ESPNL: variants seen among roughly 807,000 people sequenced by gnomAD.
ESPNL encodes espin like, also known as espin-like protein.
In ESPNL, 49 loss-of-function variants were observed where a neutral mutation model predicts 46.8. The observed-to-expected ratio is 1.05, with a 90% confidence interval of 0.83 to 1.33. The LOEUF (loss-of-function observed/expected upper bound fraction) is 1.33. ESPNL is among the 40% of genes most tolerant of loss of function. The pLI is 0.00. For synonymous variants in ESPNL, 664 were observed against 662.1 expected (o/e 1.00, Z -0.04); for missense variants, 1,540 against 1,436.6 (o/e 1.07, Z -1.16).
intron 5 of ESPNL, among the ~76,000 whole-genome samples, chr2:238,124,454 C>A (rs62197365): frequency 0.3 from 46,330 of 152,174 alleles, 8,979 homozygotes; most frequent in Non-Finnish European, 0.42. Context: ...CCATCCACCC[C>A]CAAGACACTG....
At chr2:238,107,629 G>A (rs1691625213) in intron 3 of ESPNL, among the ~76,000 whole-genome samples, 162 bp from the exon 4 acceptor site, 1 of 152,194 alleles carries the variant, frequency 6.6e-6, no homozygotes, top group Non-Finnish European at 1.5e-5. Context: ...GGGTGACGGG[G>A]ACGCACGTGC....
At chr2:238,103,706 G>A (rs1328390174) in intron 2 of ESPNL, among the ~76,000 whole-genome samples, 1 of 152,186 alleles carries the variant, frequency 6.6e-6, no homozygotes, top group Non-Finnish European at 1.5e-5. Flanking sequence ...GTGAAAGCAC[G>A]GATCCTCCCC....
chr2:238,106,367 C>G (rs1691599414), intron 3 of ESPNL, among the ~76,000 whole-genome samples: 1 of 152,210 alleles, frequency 6.6e-6, no homozygotes, highest in Admixed American at 6.5e-5. Flanking sequence ...TGGCGCTGGC[C>G]TGCTCCCCGT....
chr2:238,129,216 G>A (rs1357239951), intron 8 of ESPNL: 2 of 1,284,020 alleles, frequency 1.6e-6, no homozygotes, highest in Non-Finnish European at 2.0e-6. Flanking sequence ...CAGGGAAGAC[G>A]GTGGCCCATG....
At chr2:238,115,084 G>A (rs1431177544) in intron 4 of ESPNL, among the ~76,000 whole-genome samples, 1 of 152,172 alleles carries the variant, frequency 6.6e-6, no homozygotes, top group Non-Finnish European at 1.5e-5. Context: ...CGGTGGTTCT[G>A]GCTCTGGTCT....
intron 5 of ESPNL, among the ~76,000 whole-genome samples, chr2:238,120,480 C>A (rs1027378154): frequency 2.6e-5 from 4 of 152,234 alleles, no homozygotes; most frequent in African/African-American, 9.6e-5. Context: ...GTCCAAGCAG[C>A]GCCTCTGCCT....
intron 7 of ESPNL, among the ~76,000 whole-genome samples, 195 bp downstream of exon 7, chr2:238,127,929 A>C (rs1057261799): frequency 6.6e-6 from 1 of 152,128 alleles, no homozygotes; most frequent in Non-Finnish European, 1.5e-5. Context: ...GGGCGACGGC[A>C]GCTGTCCCCC....
chr2:238,104,631 C>T, intron 2 of ESPNL, 25 bp from the exon 3 acceptor site: 1 of 1,541,360 alleles, frequency 6.5e-7, no homozygotes, highest in Non-Finnish European at 8.8e-7. Context: ...AGGGACTGGG[C>T]CTCCAAACCC....
Position 238,100,385 on chromosome 2 carries a change from G to T in ESPNL, c.-35G>T. 1 of 1,553,822 alleles carries T rather than the reference G, an allele frequency of 6.4e-7. No homozygotes were observed. The highest frequency in any genetic ancestry group is 1.2e-5 in the South Asian group (1 of 84,732). ...CGTCTGAAACAGGAAGCCCCAGCCTGTGCATGAGTCGCCACTGAGAGCCCG... is the reference window on the plus strand; with the variant it reads ...CGTCTGAAACAGGAAGCCCCAGCCTTTGCATGAGTCGCCACTGAGAGCCCG... On this transcript the variant is annotated 5_prime_UTR_variant, in exon 1 of 9. Transcript: ENST00000343063.
chr2:238,127,129 C>CTG (rs1559267276), intron 6 of ESPNL, among the ~76,000 whole-genome samples: 6 of 75,134 alleles, frequency 8.0e-5, no homozygotes, highest in South Asian at 4.6e-4. Flanking sequence ...GTGTCTGTGT[C>CTG]TGTGTGATTG....
chr2:238,102,794 T>C (rs1691513858), intron 2 of ESPNL, among the ~76,000 whole-genome samples: 1 of 152,198 alleles, frequency 6.6e-6, no homozygotes, highest in South Asian at 2.1e-4. Flanking sequence ...CTCTGCCTCC[T>C]ACTGTCTTGG....
At chr2:238,115,880 C>T (rs902759971) in intron 4 of ESPNL, among the ~76,000 whole-genome samples, 3 of 152,228 alleles carry the variant, frequency 2.0e-5, no homozygotes, top group Non-Finnish European at 2.9e-5. Flanking sequence ...CCATGTTGGT[C>T]AGGCTGGTCT....
chr2:238,130,677 C>G lies in ESPNL; in HGVS notation c.1963C>G (p.Leu655Val). Residue 655 changes from leucine (L) to valine (V), a missense_variant, in exon 9 of 9, where the codon CTG becomes GTG. Leu to Val is a conservative substitution (Grantham distance 32, BLOSUM62 1). Transcript: ENST00000343063. ...GGAGTGGGGGGTGTCTGTGCGGACG[C>G]TGCGGGGCAACTTCGAGTCGGCCTC... ...IQEWGVSVRT[L>V]RGNFESASGP... The G allele has an allele frequency of 6.4e-7, 1 of 1,562,508 alleles. No homozygotes were observed. The highest frequency in any genetic ancestry group is 1.2e-5 in the South Asian group (1 of 85,208).
chr2:238,116,832 C>T (rs575387208), intron 4 of ESPNL, 71 bp from the exon 5 acceptor site: 66 of 1,561,556 alleles, frequency 4.2e-5, no homozygotes, highest in Middle Eastern at 1.7e-4. Context: ...GGGAGCGGCC[C>T]GCACAGGGCC....
At chr2:238,122,194 T>C (rs1482238526) in intron 5 of ESPNL, among the ~76,000 whole-genome samples, 1 of 152,240 alleles carries the variant, frequency 6.6e-6, no homozygotes, top group Non-Finnish European at 1.5e-5. Context: ...GACAGGACCC[T>C]GACATCTGCG....
chr2:238,112,877 A>G (rs1193096250), intron 4 of ESPNL, among the ~76,000 whole-genome samples: 1 of 152,178 alleles, frequency 6.6e-6, no homozygotes, highest in Non-Finnish European at 1.5e-5. Flanking sequence ...TGATTTTTTG[A>G]TAAGTTACTT....
chr2:238,128,679 C>G (rs1692199022), intron 7 of ESPNL, 28 bp from the exon 8 acceptor site: 1 of 1,571,434 alleles, frequency 6.4e-7, no homozygotes, highest in Admixed American at 1.8e-5. Context: ...CCCCTTCGGG[C>G]CTGTGTGACC....
chr2:238,131,477 C>T lies in ESPNL; in HGVS notation c.2763C>T (p.Asp921=). The T allele has an allele frequency of 1.2e-6, 2 of 1,611,792 alleles. No individual in the cohort carries two copies. The highest frequency in any genetic ancestry group is 1.1e-5 in the South Asian group (1 of 91,028). ...GGGCCTGGACCGACGGCTTCGAGGA[C>T]ATCAAAGCCCGCTTCTTTGGCTCCA... ...GRRAWTDGFE[D]IKARFFGSSQ... Residue 921 remains aspartate, a synonymous_variant, in exon 9 of 9, where the codon GAC becomes GAT. Coordinates refer to ENST00000343063, the MANE Select transcript of ESPNL (RefSeq NM_194312.4).
chr2:238,127,685 C>T lies in ESPNL; in HGVS notation c.1166C>T (p.Thr389Ile), dbSNP rs1489905646. 3.1e-6 allele frequency: 5 copies of T among 1,612,518 alleles called. No individual in the cohort carries two copies. The highest frequency in any genetic ancestry group is 4.2e-6 in the Non-Finnish European group (5 of 1,179,524). The change falls in exon 7 of 9, where the codon ACC becomes ATC. Residue 389 changes from threonine (T) to isoleucine (I), a missense_variant. By Grantham distance (89) the Thr-to-Ile change is moderately conservative (BLOSUM62 -1). Coordinates refer to ENST00000343063, the MANE Select transcript of ESPNL (RefSeq NM_194312.4). ...CAGCCTCTTCCCAGGGAGCAGATGA[C>T]CAGCCCGGCCCCTCCGAGGATCATC... ...PDQPLPREQM[T>I]SPAPPRIITS...
Sources: allele counts gnomAD v4.1 joint callset (sites outside exome capture counted in the v4.1 genomes callset), GRCh38; gene constraint gnomAD v4.1.1; transcripts MANE v1.5; gene names NCBI Gene and HGNC (gene_info 2026-07-23, HGNC 2026-07-21).